The following NR3C2 variants were observed in gnomAD, a reference collection of about 807,000 sequenced individuals.
NR3C2 encodes the protein nuclear receptor subfamily 3 group C member 2.
A neutral mutation model predicts 86.4 loss-of-function variants in NR3C2; 15 were observed. That is an observed-to-expected ratio of 0.17 (90% CI 0.12 to 0.27). The LOEUF (loss-of-function observed/expected upper bound fraction) is 0.27. NR3C2 is among the 10% of genes least tolerant of loss of function. The probability of loss-of-function intolerance (pLI) is 1.00; values close to 1 mark genes in which losing one functional copy is unlikely to be tolerated. For missense variants in NR3C2, 960 were observed against 1,195.6 expected (o/e 0.80, Z 2.91); for synonymous variants, 458 against 450.5 (o/e 1.02, Z -0.21).
intron 2 of NR3C2, among the ~76,000 whole-genome samples, chr4:148,394,518 CA>C (rs112908192): frequency 0.16 from 21,577 of 132,924 alleles, 2,082 homozygotes; most frequent in African/African-American, 0.29. Context: ...CAACTCTACT[CA>C]AAAAAAAAAA....
chr4:148,443,222 C>CAAAAAAAAAAAAAAAAAA, upstream of NR3C2, among the ~76,000 whole-genome samples: 1 of 40,976 alleles, frequency 2.4e-5, no homozygotes, highest in Non-Finnish European at 3.9e-5. Flanking sequence ...CCCCTAACAC[C>CAAAAAAAAAAAAAAAAAA]AAAAAAAAAA....
rs146298325 is a variant in NR3C2 at position 148,194,040 on chromosome 4, T to C, written c.2014+706A>G. On this transcript the variant is annotated intron_variant, in intron 4 of 8. Transcript: ENST00000358102. ...TAATCGATGAGCAAATACCACGGAC[T>C]ATTTTAATTATTGTAGCTATAATAT... is the stretch of plus-strand genomic sequence containing the variant. 8.1e-3 allele frequency among the ~76,000 whole-genome samples: 1,230 copies of C among 152,358 alleles called. 11 individuals are homozygous for C. Among genetic ancestry groups the C allele is most frequent in the African/African-American group, 0.028 (1,169 of 41,586 alleles).
At chr4:148,365,095 C>G (rs1371648335) in intron 2 of NR3C2, among the ~76,000 whole-genome samples, 1 of 152,158 alleles carries the variant, frequency 6.6e-6, no homozygotes, top group Admixed American at 6.5e-5. Context: ...CTATATGCTA[C>G]CAATAAGCAA....
intron 2 of NR3C2, among the ~76,000 whole-genome samples, chr4:148,276,700 T>G (rs556027808): frequency 6.6e-6 from 1 of 152,302 alleles, no homozygotes; most frequent in South Asian, 2.1e-4. Flanking sequence ...TAATAGGCTG[T>G]TCCCGAGAAA....
At chr4:148,180,948 T>C (rs149622560) in intron 4 of NR3C2, among the ~76,000 whole-genome samples, 1 of 152,288 alleles carries the variant, frequency 6.6e-6, no homozygotes, top group Non-Finnish European at 1.5e-5. Context: ...AGTTGCCTTC[T>C]CTCCAACCCT....
intron 6 of NR3C2, among the ~76,000 whole-genome samples, chr4:148,147,839 G>C (rs148334638): frequency 6.6e-6 from 1 of 152,204 alleles, no homozygotes; most frequent in African/African-American, 2.4e-5. Context: ...TAAGGCATTG[G>C]CAGGCAATGT....
intron 4 of NR3C2, among the ~76,000 whole-genome samples, chr4:148,181,835 A>C (rs1333115778): frequency 6.6e-6 from 1 of 152,216 alleles, no homozygotes; most frequent in Non-Finnish European, 1.5e-5. Context: ...AAAGAATAGT[A>C]CTAGTGGCAG....
At chr4:148,250,397 A>G (rs1400904998) in intron 3 of NR3C2, among the ~76,000 whole-genome samples, 1 of 152,212 alleles carries the variant, frequency 6.6e-6, no homozygotes, top group Non-Finnish European at 1.5e-5. Context: ...TGCTAGAATC[A>G]TAATTTAGTA....
At chr4:148,269,066 T>C (rs1445644161) in intron 2 of NR3C2, among the ~76,000 whole-genome samples, 1 of 152,096 alleles carries the variant, frequency 6.6e-6, no homozygotes, top group Non-Finnish European at 1.5e-5. Flanking sequence ...GTTCTGTTTG[T>C]GGAACAATGA....
intron 2 of NR3C2, among the ~76,000 whole-genome samples, chr4:148,362,227 G>A (rs1579206329): frequency 6.6e-6 from 1 of 152,134 alleles, no homozygotes; most frequent in African/African-American, 2.4e-5. Flanking sequence ...TTCCTTTTAG[G>A]TAAGAGAAAT....
At chr4:148,303,436 G>A (rs1022168158) in intron 2 of NR3C2, among the ~76,000 whole-genome samples, 1 of 152,112 alleles carries the variant, frequency 6.6e-6, no homozygotes, top group Non-Finnish European at 1.5e-5. Context: ...GGGAAAGTAA[G>A]ACCAAGAGGG....
chr4:148,120,162 G>A lies in NR3C2; in HGVS notation c.2637C>T (p.Ser879=), dbSNP rs959339685. The A allele has an allele frequency of 6.2e-7, 1 of 1,613,984 alleles. No individual in the cohort carries two copies. Among genetic ancestry groups the A allele is most frequent in the Non-Finnish European group, 8.5e-7 (1 of 1,179,972 alleles). ...CCAGAATGGGCATCAATTTACTTGT[G>A]CTTAGTAGCAGCAAAACTTTCATGA... ...YTIMKVLLLL[S]TIPKDGLKSQ... is the part of the protein sequence containing the mutation. Residue 879 remains serine, a synonymous_variant, in exon 7 of 9, where the codon AGC becomes AGT. Transcript: ENST00000358102.
intron 2 of NR3C2, among the ~76,000 whole-genome samples, chr4:148,391,955 G>C (rs1212361946): frequency 7.1e-6 from 1 of 139,980 alleles, no homozygotes. Flanking sequence ...TAATAACGTA[G>C]TAAAAAAAAA....
At position 148,347,021 on chromosome 4, in the gene NR3C2, G is replaced by C. The variant is rs554658959; in HGVS notation, c.1758-86904C>G. On this transcript the variant is annotated intron_variant, in intron 2 of 8. Coordinates refer to ENST00000358102, the MANE Select transcript of NR3C2 (RefSeq NM_000901.5). Reference sequence around the variant, plus strand: ...TAAAGCCAGACAATGTGGTACAGTGGAAGGCAAGAAGGCTCTGAGCAACCA... The same window carrying C: ...TAAAGCCAGACAATGTGGTACAGTGCAAGGCAAGAAGGCTCTGAGCAACCA... 1.2e-4 allele frequency among the ~76,000 whole-genome samples: 18 copies of C among 152,206 alleles called. No homozygotes were observed. The East Asian group carries it at 3.5e-3, about 29-fold the overall frequency.
chr4:148,150,789 T>A (rs1330756947), intron 6 of NR3C2, among the ~76,000 whole-genome samples: 1 of 152,174 alleles, frequency 6.6e-6, no homozygotes, highest in Non-Finnish European at 1.5e-5. Context: ...AATCCACTAA[T>A]GAGGACTGAC....
chr4:148,172,899 T>G (rs1278195709), intron 4 of NR3C2, among the ~76,000 whole-genome samples: 3 of 152,166 alleles, frequency 2.0e-5, no homozygotes, highest in Non-Finnish European at 4.4e-5. Context: ...ATAGGAAAAG[T>G]CTTAACAAAT....
chr4:148,212,915 C>T (rs566067821), intron 3 of NR3C2, among the ~76,000 whole-genome samples: 72 of 152,220 alleles, frequency 4.7e-4, no homozygotes, highest in Non-Finnish European at 4.9e-4. Flanking sequence ...GCAAGAAGTT[C>T]ACAGAACTAC....
intron 2 of NR3C2, among the ~76,000 whole-genome samples, chr4:148,366,462 A>ATAATTTTTAAAAAG (rs1746135221): frequency 6.6e-6 from 1 of 152,140 alleles, no homozygotes; most frequent in Admixed American, 6.5e-5. Context: ...TTAAAAAAGA[A>ATAATTTTTAAAAAG]TACTTTTTAA....
intron 2 of NR3C2, among the ~76,000 whole-genome samples, chr4:148,366,424 G>T (rs72729965): frequency 1.0e-3 from 2 of 1,938 alleles, no homozygotes; most frequent in African/African-American, 4.1e-3. Context: ...TTCACTCCTT[G>T]AAAAAGAATA....
Sources: gnomAD v4.1 joint callset for allele counts (sites outside exome capture counted in the v4.1 genomes callset) on GRCh38, gnomAD v4.1.1 for gene constraint, MANE v1.5 for transcripts, NCBI Gene and HGNC (gene_info 2026-07-23, HGNC 2026-07-21) for gene names.